ADAMTS2: variants seen among roughly 807,000 people sequenced by gnomAD.
ADAMTS2 encodes ADAM metallopeptidase with thrombospondin type 1 motif 2, also known as A disintegrin and metalloproteinase with thrombospondin motifs 2.
In ADAMTS2, 50 loss-of-function variants were observed where a neutral mutation model predicts 123.0. The observed-to-expected ratio is 0.41, with a 90% CI of 0.32 to 0.51. ADAMTS2 has a LOEUF of 0.51. Ranked by LOEUF, ADAMTS2 falls within the 20% of genes least tolerant of loss-of-function variation. The pLI is 0.35. For missense variants in ADAMTS2, 1,494 were observed against 1,705.2 expected (o/e 0.88, Z 2.18); for synonymous variants, 678 against 695.4 (o/e 0.98, Z 0.39).
intron 10 of ADAMTS2, among the ~76,000 whole-genome samples, chr5:179,148,302 G>A (rs75948917): frequency 0.023 from 3,512 of 152,206 alleles, 150 homozygotes; most frequent in African/African-American, 0.079. Context: ...GGACCAAGTC[G>A]TTTATTCCTC....
chr5:179,300,258 A>G (rs895225293), intron 2 of ADAMTS2, among the ~76,000 whole-genome samples: 2 of 152,180 alleles, frequency 1.3e-5, no homozygotes, highest in African/African-American at 4.8e-5. Context: ...GGACTGGGAC[A>G]TGGACAACTT....
intron 3 of ADAMTS2, among the ~76,000 whole-genome samples, chr5:179,227,828 A>C (rs1765322070): frequency 7.1e-6 from 1 of 141,610 alleles, no homozygotes; most frequent in African/African-American, 3.2e-5. Flanking sequence ...AGAAGTGCAG[A>C]GAGACTAGAG....
intron 15 of ADAMTS2, among the ~76,000 whole-genome samples, chr5:179,131,034 G>A (rs1561770137): frequency 6.6e-6 from 1 of 152,042 alleles, no homozygotes; most frequent in Admixed American, 6.6e-5. Context: ...CTTAAGAGGC[G>A]AGGTGCAGTG....
chr5:179,214,857 TC>T (rs199633804), intron 3 of ADAMTS2, among the ~76,000 whole-genome samples: 32,609 of 144,856 alleles, frequency 0.23, 3,837 homozygotes, highest in Non-Finnish European at 0.25. Context: ...CGTCAAATAA[TC>T]TCCGTCGAAT....
intron 17 of ADAMTS2, among the ~76,000 whole-genome samples, chr5:179,127,319 C>G (rs952072897): frequency 9.2e-5 from 14 of 152,162 alleles, no homozygotes; most frequent in African/African-American, 3.4e-4. Context: ...CTGCCTGGGC[C>G]AGGGAGTGAC....
chr5:179,341,524 C>T lies in ADAMTS2; in HGVS notation c.534+2243G>A, dbSNP rs139122062. ...GACCACCCTGGCTAACACGGTGAAA[C>T]ACCGTCTCTACTAAAAATTAAAAAA... is the stretch of plus-strand genomic sequence containing the variant. On this transcript the variant is annotated intron_variant, in intron 2 of 21. Transcript: ENST00000251582. Among the ~76,000 whole-genome samples the T allele has an allele frequency of 3.3e-3, 502 of 151,610 alleles. 7 individuals are homozygous for T. The highest frequency in any genetic ancestry group is 0.012 in the African/African-American group (486 of 41,350).
intron 2 of ADAMTS2, 26 bp from the exon 3 acceptor site, chr5:179,273,090 G>C: frequency 6.2e-7 from 1 of 1,613,360 alleles, no homozygotes; most frequent in Non-Finnish European, 8.5e-7. Flanking sequence ...AACAGGATCA[G>C]ATTTCCAGCA....
chr5:179,164,416 G>A (rs1763657450), intron 5 of ADAMTS2, among the ~76,000 whole-genome samples: 2 of 152,204 alleles, frequency 1.3e-5, no homozygotes, highest in South Asian at 4.1e-4. Flanking sequence ...AGGTGTGGCT[G>A]GTGCCACGTC....
intron 3 of ADAMTS2, among the ~76,000 whole-genome samples, chr5:179,235,410 A>T (rs1015969929): frequency 6.6e-6 from 1 of 152,210 alleles, no homozygotes; most frequent in Admixed American, 6.5e-5. Flanking sequence ...TGACGCCTTC[A>T]CACCAATGGA....
At chr5:179,126,437 C>T (rs1216439229) in intron 17 of ADAMTS2, among the ~76,000 whole-genome samples, 2 of 152,248 alleles carry the variant, frequency 1.3e-5, no homozygotes, top group Non-Finnish European at 2.9e-5. Context: ...ACCTTGACCT[C>T]ACATGCCCAG....
intron 2 of ADAMTS2, among the ~76,000 whole-genome samples, chr5:179,298,357 C>G (rs774641338): frequency 1.3e-5 from 2 of 152,018 alleles, no homozygotes; most frequent in African/African-American, 4.8e-5. Context: ...GTGGGGACCC[C>G]GTTAATGGGA....
In ADAMTS2 at chr5:179,116,830, C is replaced by T. The variant is rs565356077; in HGVS notation, c.3179-2506G>A. ...CAAAATAAGGAGAACACATGACTGG[C>T]TGCAGGGTCCACCATGAAAAGGGAG... On this transcript the variant is annotated intron_variant, in intron 21 of 21. Coordinates refer to ENST00000251582, the MANE Select transcript of ADAMTS2 (RefSeq NM_014244.5). 4.6e-5 allele frequency among the ~76,000 whole-genome samples: 7 copies of T among 152,260 alleles called. No individual in the cohort carries two copies. The South Asian group carries it at 1.2e-3, about 27-fold the overall frequency.
In ADAMTS2 at chr5:179,197,292, A is replaced by G. The variant is rs557292494; in HGVS notation, c.891+10221T>C. Among the ~76,000 whole-genome samples the G allele has an allele frequency of 2.5e-4, 38 of 152,338 alleles. No homozygotes were observed. The highest frequency in any genetic ancestry group is 8.9e-4 in the African/African-American group (37 of 41,588). On this transcript the variant is annotated intron_variant, in intron 4 of 21. Transcript: ENST00000251582. The surrounding 1 kb of genome is among the most constrained non-coding windows in gnomAD (Gnocchi z 4.2). ...CTTTGTAGATCCTGATATTTAAGCA[A>G]CACATTGAGGCCTTAGGCTTCTCGG...
intron 4 of ADAMTS2, 42 bp downstream of exon 4, chr5:179,207,471 A>ACCCAGCCCCCCCC: frequency 9.7e-7 from 1 of 1,026,474 alleles, no homozygotes; most frequent in Non-Finnish European, 1.5e-6. Flanking sequence ...CCCCTGGTTG[A>ACCCAGCCCCCCCC]CCCTCCCCGC....
intron 2 of ADAMTS2, among the ~76,000 whole-genome samples, chr5:179,273,775 C>G (rs2113514882): frequency 6.6e-6 from 1 of 152,168 alleles, no homozygotes; most frequent in Non-Finnish European, 1.5e-5. Context: ...TGCCCCTGAC[C>G]CCCTAGGCCA....
rs775059597 is a variant in ADAMTS2, at chr5:179,158,928, C to T, written c.976-49G>A. ...GAAGAGAGAGGTTGGCGCCTGGTGG[C>T]CCAGTGGGGGGCCGAGCAGGCTGTA... On this transcript the variant is annotated intron_variant, in intron 5 of 21. Transcript: ENST00000251582. This position sits in a 1 kb window ranked among gnomAD's most constrained non-coding sequence, Gnocchi z 5.0. 2 of 1,605,008 alleles carry T rather than the reference C, an allele frequency of 1.2e-6. No individual in the cohort carries two copies. Among genetic ancestry groups the T allele is most frequent in the East Asian group, 2.2e-5 (1 of 44,520 alleles).
At chr5:179,138,020 T>C in intron 11 of ADAMTS2, 76 bp from the exon 12 acceptor site, 1 of 1,484,448 alleles carries the variant, frequency 6.7e-7, no homozygotes, top group South Asian at 1.2e-5. Context: ...TGTGAGATCT[T>C]TTTAGGGGGG....
Position 179,130,141 on chromosome 5 carries a change from A to G in ADAMTS2, c.2291-43T>C, listed in dbSNP as rs2251105. Reference sequence around the variant, plus strand: ...AAGTCCCCCGTTGTGGTCACCCAAGAGCAGGACCCAGGCCCACTGGTTTGG... The same window carrying G: ...AAGTCCCCCGTTGTGGTCACCCAAGGGCAGGACCCAGGCCCACTGGTTTGG... On this transcript the variant is annotated intron_variant, in intron 15 of 21. Transcript: ENST00000251582. This position sits in a 1 kb window ranked among gnomAD's most constrained non-coding sequence, Gnocchi z 4.3. 794,813 of 1,611,690 alleles carry G rather than the reference A, an allele frequency of 0.49. 197,129 individuals carry two copies. The highest frequency in any genetic ancestry group is 0.58 in the Admixed American group (34,890 of 59,822).
At chr5:179,313,051 A>G (rs1259770600) in intron 2 of ADAMTS2, among the ~76,000 whole-genome samples, 1 of 152,234 alleles carries the variant, frequency 6.6e-6, no homozygotes, top group African/African-American at 2.4e-5. Context: ...CAGGAAGTCA[A>G]TGGACAACAT....
Sources: gnomAD v4.1 joint callset for allele counts (sites outside exome capture counted in the v4.1 genomes callset) on GRCh38, gnomAD v4.1.1 for gene constraint, Gnocchi (gnomAD v3.1) non-coding constraint, MANE v1.5 for transcripts, NCBI Gene and HGNC (gene_info 2026-07-23, HGNC 2026-07-21) for gene names.